The following TMEM232 variants were observed in gnomAD, a reference collection of about 807,000 sequenced individuals.
The protein encoded by TMEM232 is transmembrane protein 232.
In TMEM232, 80 loss-of-function variants were observed where a neutral mutation model predicts 78.8. The ratio of observed to expected loss-of-function variants is 1.01; its 90% CI spans 0.85 to 1.22. The LOEUF is 1.22. Among genes scored for constraint, TMEM232 ranks in the 50% most tolerant of loss-of-function variants. The pLI, the probability that TMEM232 is intolerant of heterozygous loss-of-function variation, is 0.00. For missense variants in TMEM232, 881 were observed against 742.2 expected (o/e 1.19, Z -2.17); for synonymous variants, 297 against 254.3 (o/e 1.17, Z -1.60).
intron 12 of TMEM232, among the ~76,000 whole-genome samples, chr5:110,519,046 A>G (rs1451672198): frequency 6.6e-6 from 1 of 152,240 alleles, no homozygotes; most frequent in African/African-American, 2.4e-5. Context: ...GGGCAGAATA[A>G]TACAGAAACA....
At chr5:110,470,135 A>C (rs2149373030) in intron 12 of TMEM232, among the ~76,000 whole-genome samples, 1 of 152,200 alleles carries the variant, frequency 6.6e-6, no homozygotes, top group South Asian at 2.1e-4. Context: ...TGAGTTTCTA[A>C]TGAACCTTGT....
chr5:110,707,815 T>C (rs1235248380), intron 1 of TMEM232, among the ~76,000 whole-genome samples: 1 of 152,172 alleles, frequency 6.6e-6, no homozygotes, highest in Non-Finnish European at 1.5e-5. Context: ...ACATCTTGGA[T>C]ACCAGCTCAG....
intron 1 of TMEM232, among the ~76,000 whole-genome samples, chr5:110,675,073 CCT>C (rs1473393844): frequency 1.3e-5 from 2 of 151,286 alleles, no homozygotes; most frequent in African/African-American, 4.9e-5. Context: ...ACAGAGTCTT[CCT>C]CTGTCACCCA....
At chr5:110,536,723 G>C (rs998689035) in intron 11 of TMEM232, among the ~76,000 whole-genome samples, 2 of 152,174 alleles carry the variant, frequency 1.3e-5, no homozygotes, top group Admixed American at 6.5e-5. Context: ...ATAGATGACT[G>C]GTTGTTTAAA....
intron 11 of TMEM232, among the ~76,000 whole-genome samples, chr5:110,538,453 TG>T (rs1268270891): frequency 1.3e-5 from 2 of 152,064 alleles, no homozygotes; most frequent in Non-Finnish European, 2.9e-5. Flanking sequence ...GGCAATACCC[TG>T]AATGCCCAAA....
chr5:110,625,192 C>T, intron 7 of TMEM232, 75 bp downstream of exon 7: 3 of 1,334,708 alleles, frequency 2.2e-6, no homozygotes, highest in Middle Eastern at 1.9e-4. Flanking sequence ...TATTGATAAG[C>T]ACCATTACTT....
chr5:110,696,599 G>A (rs1008062116), intron 1 of TMEM232, among the ~76,000 whole-genome samples: 6 of 152,150 alleles, frequency 3.9e-5, no homozygotes, highest in African/African-American at 1.4e-4. Flanking sequence ...AGCAACTTCA[G>A]CAAAGTCTCA....
intron 7 of TMEM232, among the ~76,000 whole-genome samples, chr5:110,623,421 G>A (rs916779837): frequency 1.3e-5 from 2 of 152,104 alleles, no homozygotes; most frequent in African/African-American, 4.8e-5. Flanking sequence ...AATGATAAGG[G>A]CTACAGGAAT....
chr5:110,447,775 A>G (rs566191341), intron 12 of TMEM232, among the ~76,000 whole-genome samples: 2 of 152,258 alleles, frequency 1.3e-5, no homozygotes, highest in Admixed American at 6.5e-5. Context: ...TCATAGTAAA[A>G]GCAGTTAAAG....
At chr5:110,668,892 G>A (rs531149531) in intron 1 of TMEM232, among the ~76,000 whole-genome samples, 8 of 152,220 alleles carry the variant, frequency 5.3e-5, no homozygotes, top group African/African-American at 1.7e-4. Flanking sequence ...GGTACATAAC[G>A]AAATGAAGGC....
At chr5:110,436,113 G>C (rs1371009635) in intron 12 of TMEM232, among the ~76,000 whole-genome samples, 1 of 151,764 alleles carries the variant, frequency 6.6e-6, no homozygotes, top group African/African-American at 2.4e-5. Flanking sequence ...ATCCTCTCTA[G>C]CATTTGTTAT....
At chr5:110,638,013 C>G (rs1239233975) in intron 5 of TMEM232, among the ~76,000 whole-genome samples, 185 bp downstream of exon 5, 1 of 151,928 alleles carries the variant, frequency 6.6e-6, no homozygotes, top group Non-Finnish European at 1.5e-5. Flanking sequence ...TTTTCTCAAA[C>G]TATCTCCATT....
chr5:110,418,318 A>C (rs1025094662), downstream of TMEM232: 3 of 152,108 alleles, frequency 2.0e-5, no homozygotes, highest in Non-Finnish European at 2.9e-5. Flanking sequence ...TGGAAATAAA[A>C]ACGGGTTCAG....
chr5:110,485,744 A>C (rs1764389684), intron 12 of TMEM232, among the ~76,000 whole-genome samples: 1 of 152,042 alleles, frequency 6.6e-6, no homozygotes, highest in African/African-American at 2.4e-5. Context: ...CCAAAATTCC[A>C]ATTTTGCAAT....
At chr5:110,446,685 T>G (rs79389916) in intron 12 of TMEM232, among the ~76,000 whole-genome samples, 3,497 of 152,272 alleles carry the variant, frequency 0.023, 126 homozygotes, top group African/African-American at 0.079. Context: ...ATTCCATAAG[T>G]TCTTAACTGT....
intron 1 of TMEM232, among the ~76,000 whole-genome samples, chr5:110,697,107 C>G (rs1046774709): frequency 6.6e-6 from 1 of 152,064 alleles, no homozygotes; most frequent in Non-Finnish European, 1.5e-5. Flanking sequence ...GAGATACAGA[C>G]CAACGGAACA....
chr5:110,707,669 C>A (rs7712104), intron 1 of TMEM232, among the ~76,000 whole-genome samples: 2,043 of 152,304 alleles, frequency 0.013, 40 homozygotes, highest in African/African-American at 0.047. Context: ...CCTAGAGAGG[C>A]AACAACCAGG....
intron 5 of TMEM232, among the ~76,000 whole-genome samples, chr5:110,635,871 T>C (rs550184830): frequency 2.0e-5 from 3 of 151,952 alleles, no homozygotes; most frequent in East Asian, 1.9e-4. Flanking sequence ...AAACTAAAAA[T>C]AGAACTACCA....
At chr5:110,430,283 G>GTATT (rs974466940) in intron 12 of TMEM232, among the ~76,000 whole-genome samples, 18 of 150,894 alleles carry the variant, frequency 1.2e-4, no homozygotes, top group Non-Finnish European at 2.1e-4. Context: ...TAGCTTTGTG[G>GTATT]TATTATACTA....
Sources: allele counts gnomAD v4.1 joint callset (sites outside exome capture counted in the v4.1 genomes callset), GRCh38; gene constraint gnomAD v4.1.1; transcripts MANE v1.5; gene names NCBI Gene and HGNC (gene_info 2026-07-23, HGNC 2026-07-21).